Variants in PALS1 observed in about 807,000 individuals in gnomAD.
PALS1 encodes protein PALS1.
Under a neutral mutation model 78.9 loss-of-function variants are expected in PALS1, and 31 were observed. That is an observed-to-expected ratio of 0.39 (90% confidence interval 0.30 to 0.53). The LOEUF (loss-of-function observed/expected upper bound fraction) is 0.53. Among genes scored for constraint, PALS1 ranks in the 20% least tolerant of loss-of-function variants. PALS1 has a pLI of 0.67. For synonymous variants in PALS1, 276 were observed against 270.9 expected, an observed-to-expected ratio of 1.02 and a Z score of -0.18; for missense variants, 704 against 826.5, an observed-to-expected ratio of 0.85 and a Z score of 1.82.
At chr14:67,261,146 C>T (rs1042937418) in intron 1 of PALS1, among the ~76,000 whole-genome samples, 7 of 152,190 alleles carry the variant, frequency 4.6e-5, no homozygotes, top group East Asian at 1.9e-4. Flanking sequence ...ATAGTAAATT[C>T]TCAGGAAACA....
chr14:67,309,164 A>G (rs2085052330), intron 8 of PALS1, among the ~76,000 whole-genome samples: 1 of 152,094 alleles, frequency 6.6e-6, no homozygotes. Context: ...GAGGCCCTGG[A>G]CCTTTCCTAT....
chr14:67,256,797 G>A (rs1460626377), intron 1 of PALS1, among the ~76,000 whole-genome samples: 1 of 147,682 alleles, frequency 6.8e-6, no homozygotes, highest in Admixed American at 6.8e-5. Flanking sequence ...AGAAACTATT[G>A]ACACACACAC....
At position 67,321,080 on chromosome 14, in the gene PALS1, C is replaced by T; in HGVS notation, c.1561C>T (p.Gln521Ter). The T allele has an allele frequency of 6.2e-7, 1 of 1,614,052 alleles. No homozygotes were observed. Among genetic ancestry groups the T allele is most frequent in the South Asian group, 1.1e-5 (1 of 91,080 alleles). Residue 521 changes from glutamine (Q) to a stop codon, truncating the protein, a stop_gained, in exon 13 of 15, where the codon CAA (glutamine) becomes TAA (stop). Transcript: ENST00000261681. LOFTEE classifies it high-confidence loss of function. ...VPHTTRSRRD[Q>*]EVAGRDYHFV... ...AGATACAACCCGGAGTAGGCGAGAC[C>T]AAGAAGTAGCCGGTAGAGATTACCA...
chr14:67,330,450 C>T (rs1308072971), intron 14 of PALS1, among the ~76,000 whole-genome samples: 3 of 145,944 alleles, frequency 2.1e-5, no homozygotes, highest in Non-Finnish European at 3.0e-5. Flanking sequence ...TTCTAATTTC[C>T]CTTCATTTTT....
chr14:67,315,794 G>A (rs929182587), intron 9 of PALS1, among the ~76,000 whole-genome samples: 6 of 152,038 alleles, frequency 3.9e-5, no homozygotes, highest in South Asian at 2.1e-4. Flanking sequence ...GCATGGTGGC[G>A]GGCCCCTGTA....
intron 8 of PALS1, among the ~76,000 whole-genome samples, chr14:67,305,541 G>A (rs750890504): frequency 1.3e-5 from 2 of 152,126 alleles, no homozygotes; most frequent in South Asian, 2.1e-4. Flanking sequence ...TCGGCCTCCC[G>A]AAGTGTTGGG....
chr14:67,331,339 G>T (rs564246913), intron 14 of PALS1, among the ~76,000 whole-genome samples: 1 of 152,234 alleles, frequency 6.6e-6, no homozygotes, highest in South Asian at 2.1e-4. Flanking sequence ...GAGCCCCTGC[G>T]CTGGTATTGG....
chr14:67,250,088 A>T (rs1340476983), intron 1 of PALS1, among the ~76,000 whole-genome samples: 1 of 152,226 alleles, frequency 6.6e-6, no homozygotes, highest in East Asian at 1.9e-4. Flanking sequence ...TATGGCACAC[A>T]AATGGGTCAC....
intron 1 of PALS1, among the ~76,000 whole-genome samples, chr14:67,249,333 G>A (rs553343275): frequency 6.6e-6 from 1 of 152,318 alleles, no homozygotes; most frequent in African/African-American, 2.4e-5. Context: ...GTAAAAGGAA[G>A]CTTGGGGTAT....
chr14:67,249,606 A>G (rs546847630), intron 1 of PALS1, among the ~76,000 whole-genome samples: 1 of 152,338 alleles, frequency 6.6e-6, no homozygotes, highest in Non-Finnish European at 1.5e-5. Flanking sequence ...AAGTTCAAAT[A>G]TTAGAAATTT....
chr14:67,275,963 G>T (rs1191695614), intron 2 of PALS1, among the ~76,000 whole-genome samples: 1 of 152,072 alleles, frequency 6.6e-6, no homozygotes, highest in African/African-American at 2.4e-5. Flanking sequence ...GGTTGGTGGT[G>T]ATACCCCCTT....
At chr14:67,298,680 C>T (rs1000842434) in intron 4 of PALS1, among the ~76,000 whole-genome samples, 1 of 152,130 alleles carries the variant, frequency 6.6e-6, no homozygotes, top group African/African-American at 2.4e-5. Context: ...ATATAATTTA[C>T]ATGCACTTAA....
intron 8 of PALS1, among the ~76,000 whole-genome samples, chr14:67,306,347 G>A (rs2085003474): frequency 1.3e-5 from 2 of 151,606 alleles, no homozygotes; most frequent in East Asian, 3.9e-4. Context: ...TTTCTCTTTT[G>A]TTTTTTGTTT....
intron 9 of PALS1, among the ~76,000 whole-genome samples, chr14:67,314,133 G>A (rs926425929): frequency 3.9e-5 from 6 of 152,022 alleles, no homozygotes; most frequent in African/African-American, 1.4e-4. Flanking sequence ...AACAGATTTG[G>A]CTATAGACTT....
chr14:67,307,041 G>C (rs1198391526), intron 8 of PALS1, among the ~76,000 whole-genome samples: 1 of 151,706 alleles, frequency 6.6e-6, no homozygotes, highest in Non-Finnish European at 1.5e-5. Flanking sequence ...ATGATGTCAT[G>C]TATGGCAATA....
intron 6 of PALS1, 39 bp from the exon 7 acceptor site, chr14:67,302,368 GTAT>G (rs1291281197): frequency 3.0e-5 from 39 of 1,281,998 alleles, no homozygotes; most frequent in Non-Finnish European, 4.0e-5. Flanking sequence ...AACAAAAATT[GTAT>G]TATTTTTATT....
At chr14:67,305,085 A>G (rs1028385967) in intron 8 of PALS1, among the ~76,000 whole-genome samples, 1 of 152,184 alleles carries the variant, frequency 6.6e-6, no homozygotes, top group Non-Finnish European at 1.5e-5. Flanking sequence ...CTTTGAATTT[A>G]AACAGCTTGA....
chr14:67,288,003 C>T (rs2084716412), intron 3 of PALS1, among the ~76,000 whole-genome samples: 1 of 152,158 alleles, frequency 6.6e-6, no homozygotes, highest in African/African-American at 2.4e-5. Context: ...CTGTCTATGG[C>T]TGCTTGTTGA....
At chr14:67,286,334 G>T (rs1455563319) in intron 3 of PALS1, among the ~76,000 whole-genome samples, 1 of 151,926 alleles carries the variant, frequency 6.6e-6, no homozygotes, top group Non-Finnish European at 1.5e-5. Context: ...TATGGGATTG[G>T]GGAAGGGAAT....
Sources: allele counts gnomAD v4.1 joint callset (sites outside exome capture counted in the v4.1 genomes callset), GRCh38; gene constraint gnomAD v4.1.1; transcripts MANE v1.5; gene names NCBI Gene and HGNC (gene_info 2026-07-23, HGNC 2026-07-21).